Variants in DOCK8 observed in about 807,000 individuals in gnomAD.
DOCK8 encodes the protein dedicator of cytokinesis 8.
In DOCK8, 141 loss-of-function variants were observed where a neutral mutation model predicts 245.6. The ratio of observed to expected loss-of-function variants is 0.57; its 90% CI spans 0.50 to 0.66. The LOEUF (loss-of-function observed/expected upper bound fraction) is 0.66, where lower values mean the gene tolerates loss of function less well. Ranked by LOEUF, DOCK8 falls within the 30% of genes least tolerant of loss-of-function variation. The pLI is 0.00. For synonymous variants in DOCK8, 1,168 were observed against 970.2 expected (o/e 1.20, Z -3.79); for missense variants, 2,965 against 2,603.4 (o/e 1.14, Z -3.02).
At chr9:315,961 A>G (rs1482042160) in intron 6 of DOCK8, among the ~76,000 whole-genome samples, 3 of 152,176 alleles carry the variant, frequency 2.0e-5, no homozygotes, top group Non-Finnish European at 2.9e-5. Context: ...GCGAGTAGGC[A>G]TCAAAACAAT....
At chr9:224,761 G>A (rs1364171350) in intron 1 of DOCK8, among the ~76,000 whole-genome samples, 1 of 152,086 alleles carries the variant, frequency 6.6e-6, no homozygotes, top group Admixed American at 6.5e-5. Context: ...AGCTCCCTAA[G>A]GGGTACTAGT....
chr9:249,784 AT>A (rs5895836), intron 1 of DOCK8, among the ~76,000 whole-genome samples: 10,882 of 141,806 alleles, frequency 0.077, 433 homozygotes, highest in African/African-American at 0.11. Flanking sequence ...TGCCTGGCTA[AT>A]TTTTTTTTTT....
intron 14 of DOCK8, among the ~76,000 whole-genome samples, chr9:346,366 C>T (rs1044264813): frequency 1.1e-4 from 17 of 152,232 alleles, no homozygotes; most frequent in Admixed American, 9.8e-4. Context: ...TGGGCTGAGG[C>T]CAAGGCCCAG....
intron 8 of DOCK8, among the ~76,000 whole-genome samples, chr9:327,535 C>G (rs10758079): frequency 0.5 from 75,161 of 151,836 alleles, 20,178 homozygotes; most frequent in East Asian, 0.79. Flanking sequence ...GTCGCTGGAA[C>G]CACAGGCACA....
chr9:299,541 G>T (rs1296835938), intron 4 of DOCK8, among the ~76,000 whole-genome samples: 1 of 152,068 alleles, frequency 6.6e-6, no homozygotes, highest in African/African-American at 2.4e-5. Context: ...GGGATTACAG[G>T]TGTGAGCCAC....
chr9:403,978 G>GTATA (rs1252297249), intron 26 of DOCK8, among the ~76,000 whole-genome samples: 7 of 65,212 alleles, frequency 1.1e-4, no homozygotes, highest in Admixed American at 3.6e-4. Context: ...ATATATATGT[G>GTATA]TATATATATA....
intron 43 of DOCK8, among the ~76,000 whole-genome samples, chr9:444,639 A>T (rs2131831388): frequency 6.6e-6 from 1 of 152,222 alleles, no homozygotes; most frequent in East Asian, 1.9e-4. Flanking sequence ...TCCAGTTCCT[A>T]CCCTGTAATC....
intron 14 of DOCK8, among the ~76,000 whole-genome samples, chr9:345,942 C>G (rs1247263625): frequency 6.6e-6 from 1 of 152,014 alleles, no homozygotes; most frequent in African/African-American, 2.4e-5. Flanking sequence ...TAAATCCTTG[C>G]TCTAACGATA....
intron 28 of DOCK8, among the ~76,000 whole-genome samples, chr9:408,917 C>G (rs1156578248): frequency 6.7e-6 from 1 of 150,216 alleles, no homozygotes; most frequent in Non-Finnish European, 1.5e-5. Context: ...TGCACACACA[C>G]AGTACCCTTT....
At chr9:230,843 C>T (rs1165351895) in intron 1 of DOCK8, among the ~76,000 whole-genome samples, 10 of 152,162 alleles carry the variant, frequency 6.6e-5, no homozygotes, top group Admixed American at 3.9e-4. Context: ...TTCTCCCATT[C>T]TGTAGGTTGC....
At chr9:225,269 G>C (rs1479378194) in intron 1 of DOCK8, among the ~76,000 whole-genome samples, 1 of 152,170 alleles carries the variant, frequency 6.6e-6, no homozygotes, top group East Asian at 1.9e-4. Context: ...CAGAGAGAGA[G>C]AAGCCTGTAG....
chr9:246,024 A>G (rs553410728), intron 1 of DOCK8, among the ~76,000 whole-genome samples: 10 of 152,316 alleles, frequency 6.6e-5, no homozygotes, highest in Admixed American at 5.9e-4. Flanking sequence ...GTTCTAGACC[A>G]ACCTGGGCAA....
intron 1 of DOCK8, among the ~76,000 whole-genome samples, chr9:258,592 CTTTT>C (rs540266063): frequency 0.18 from 18,302 of 99,830 alleles, 1,217 homozygotes; most frequent in East Asian, 0.38. Context: ...TGAAGAGACT[CTTTT>C]TTTTTTTTTT....
rs1564016722 is a variant in DOCK8 at position 400,952 on chromosome 9, ACCACCACCACCACCT to A, written c.3234+1696_3234+1710del. Among the ~76,000 whole-genome samples the A allele has an allele frequency of 3.7e-3, 249 of 67,484 alleles. 9 individuals are homozygous for A. The highest frequency in any genetic ancestry group is 6.4e-3 in the Non-Finnish European group (179 of 27,944). 44.3% of individuals were successfully genotyped at this position (67,484 alleles called of 152,430 possible). A position where few individuals can be genotyped will look rare whatever the true frequency, so the allele number is the denominator to read the frequency against. The stretch of plus-strand genomic sequence containing the variant: ...CACAACATCCACCACCACCATCACC[ACCACCACCACCACCT>A]CCTCCACCATCACCACCTCCTCCAC... On this transcript the variant is annotated intron_variant, in intron 26 of 47. Transcript: ENST00000432829.
chr9:278,919 T>G (rs1030604390), intron 2 of DOCK8, among the ~76,000 whole-genome samples: 5 of 152,120 alleles, frequency 3.3e-5, no homozygotes, highest in Admixed American at 1.3e-4. Flanking sequence ...CATTTGACTT[T>G]TTATGAGGAT....
chr9:234,310 C>T (rs1284604035), intron 1 of DOCK8, among the ~76,000 whole-genome samples: 2 of 152,220 alleles, frequency 1.3e-5, no homozygotes, highest in Non-Finnish European at 2.9e-5. Context: ...CCCGACCTTT[C>T]TCTCTGGCTG....
At chr9:254,690 A>G (rs572864634) in intron 1 of DOCK8, among the ~76,000 whole-genome samples, 1 of 152,318 alleles carries the variant, frequency 6.6e-6, no homozygotes, top group East Asian at 1.9e-4. Context: ...ATTGACTCAC[A>G]TTCTCCTTCT....
At chr9:354,297 A>C (rs1029841469) in intron 14 of DOCK8, among the ~76,000 whole-genome samples, 6 of 152,004 alleles carry the variant, frequency 3.9e-5, no homozygotes, top group African/African-American at 1.5e-4. Flanking sequence ...ACAGCATTCC[A>C]CTCCAGCCTG....
intron 46 of DOCK8, chr9:457,024 G>T (rs1419354308): frequency 1.3e-5 from 2 of 152,214 alleles, no homozygotes; most frequent in African/African-American, 4.8e-5. Context: ...TTGAGTGGTG[G>T]CGTTTTTAAA....
Sources: gnomAD v4.1 joint callset for allele counts (sites outside exome capture counted in the v4.1 genomes callset) on GRCh38, gnomAD v4.1.1 for gene constraint, MANE v1.5 for transcripts, NCBI Gene and HGNC (gene_info 2026-07-23, HGNC 2026-07-21) for gene names.